Variants in BBS9 observed in about 807,000 individuals in gnomAD.
BBS9 encodes protein PTHB1.
Under a neutral mutation model 117.7 loss-of-function variants are expected in BBS9, and 89 were observed. The observed-to-expected ratio is 0.76, with a 90% CI of 0.64 to 0.90. The LOEUF is 0.90. Among genes scored for constraint, BBS9 ranks in the 40% least tolerant of loss-of-function variants. BBS9 has a pLI of 0.00. For missense variants in BBS9, 982 were observed against 1,042.2 expected (o/e 0.94, Z 0.80); for synonymous variants, 379 against 370.9 (o/e 1.02, Z -0.25).
chr7:33,349,998 TA>T (rs1410774895), intron 13 of BBS9, among the ~76,000 whole-genome samples: 4 of 152,204 alleles, frequency 2.6e-5, no homozygotes, highest in African/African-American at 9.6e-5. Flanking sequence ...AAAGTAAATC[TA>T]TAAAAGATAT....
chr7:33,528,889 C>T (rs116040242), intron 20 of BBS9, among the ~76,000 whole-genome samples: 2,124 of 152,304 alleles, frequency 0.014, 47 homozygotes, highest in African/African-American at 0.049. Context: ...GGTCGATACC[C>T]TAGGAAATTA....
chr7:33,132,051 C>T (rs934710567), intron 1 of BBS9, among the ~76,000 whole-genome samples: 1 of 152,188 alleles, frequency 6.6e-6, no homozygotes, highest in East Asian at 1.9e-4. Flanking sequence ...TAGGACTGCA[C>T]CTGTTACAAC....
At chr7:33,367,931 C>G in intron 17 of BBS9, 69 bp downstream of exon 17, 2 of 1,204,676 alleles carry the variant, frequency 1.7e-6, no homozygotes, top group Non-Finnish European at 2.5e-6. Flanking sequence ...AGAGGATACT[C>G]ACATCAATAA....
chr7:33,169,170 A>G (rs1236711939), intron 4 of BBS9, among the ~76,000 whole-genome samples: 4 of 151,158 alleles, frequency 2.6e-5, no homozygotes, highest in Admixed American at 2.0e-4. Flanking sequence ...ATAGTATTCC[A>G]TGGTGTATAT....
intron 21 of BBS9, among the ~76,000 whole-genome samples, chr7:33,598,814 G>T (rs1006514137): frequency 6.6e-6 from 1 of 152,192 alleles, no homozygotes; most frequent in Non-Finnish European, 1.5e-5. Context: ...AGTGTTAAAT[G>T]CCTCTAGGAA....
chr7:33,552,119 T>C (rs1416402026), intron 21 of BBS9, among the ~76,000 whole-genome samples: 1 of 152,176 alleles, frequency 6.6e-6, no homozygotes, highest in Non-Finnish European at 1.5e-5. Flanking sequence ...AATTTTCATA[T>C]TATTGTTTTA....
chr7:33,304,913 G>A (rs1807557357), intron 9 of BBS9, among the ~76,000 whole-genome samples: 1 of 152,076 alleles, frequency 6.6e-6, no homozygotes. Flanking sequence ...GATGTGCTTT[G>A]TTAAACAGAT....
intron 19 of BBS9, among the ~76,000 whole-genome samples, chr7:33,494,154 G>C (rs1176408216): frequency 1.3e-5 from 2 of 152,050 alleles, no homozygotes; most frequent in East Asian, 3.9e-4. Context: ...CCCCCAGGGA[G>C]ACATTTGACA....
chr7:33,244,054 C>A (rs909259514), intron 5 of BBS9, among the ~76,000 whole-genome samples: 2 of 152,026 alleles, frequency 1.3e-5, no homozygotes, highest in African/African-American at 2.4e-5. Context: ...CATGATGAAA[C>A]CCTGTCTCTA....
chr7:33,188,402 T>G (rs1783513933), intron 5 of BBS9, among the ~76,000 whole-genome samples: 1 of 152,196 alleles, frequency 6.6e-6, no homozygotes, highest in Non-Finnish European at 1.5e-5. Flanking sequence ...GCTACTAAAT[T>G]GACTTTTTAA....
At chr7:33,406,622 C>T (rs1422240598) in intron 19 of BBS9, among the ~76,000 whole-genome samples, 2 of 151,946 alleles carry the variant, frequency 1.3e-5, no homozygotes, top group African/African-American at 2.4e-5. Context: ...TCTTTTAGGG[C>T]AGGCCTGGTG....
At chr7:33,505,723 C>A (rs1585053860) in intron 20 of BBS9, 78 bp downstream of exon 20, 17 of 1,462,426 alleles carry the variant, frequency 1.2e-5, no homozygotes, top group Admixed American at 3.7e-5. Flanking sequence ...ACATGGCTAT[C>A]AGGTTTTCTA....
intron 19 of BBS9, among the ~76,000 whole-genome samples, chr7:33,418,410 G>T (rs769666745): frequency 6.6e-6 from 1 of 152,158 alleles, no homozygotes; most frequent in Non-Finnish European, 1.5e-5. Context: ...CCAGTGTTTG[G>T]CAGGGTGACT....
Position 33,630,580 on chromosome 7 carries a change from T to C in BBS9, c.2522-4597T>C, listed in dbSNP as rs114868306. On this transcript the variant is annotated intron_variant, in intron 21 of 21. Coordinates refer to the BBS9 transcript ENST00000671952. ...ACTTAAGCACACTGCATGTTTTCTA[T>C]GAGTTAGATTTGTCAGGCAGCCAGT... Among the ~76,000 whole-genome samples, 586 of 152,300 alleles carry C rather than the reference T, an allele frequency of 3.8e-3. 1 individual carries two copies. The highest frequency in any genetic ancestry group is 0.014 in the African/African-American group (562 of 41,558).
At chr7:33,225,316 G>A (rs1791041712) in intron 5 of BBS9, among the ~76,000 whole-genome samples, 1 of 152,086 alleles carries the variant, frequency 6.6e-6, no homozygotes, top group East Asian at 1.9e-4. Flanking sequence ...TCCCGCCTCA[G>A]CCTCCCAAGT....
At chr7:33,229,904 C>T (rs1185395549) in intron 5 of BBS9, among the ~76,000 whole-genome samples, 1 of 152,164 alleles carries the variant, frequency 6.6e-6, no homozygotes, top group Non-Finnish European at 1.5e-5. Flanking sequence ...CCTTTCTCTA[C>T]ACCACTGCCA....
At chr7:33,472,935 G>T (rs1046252056) in intron 19 of BBS9, among the ~76,000 whole-genome samples, 16 of 152,180 alleles carry the variant, frequency 1.1e-4, no homozygotes, top group Non-Finnish European at 2.2e-4. Context: ...TTCATCCCAA[G>T]AACTCTTCTT....
chr7:33,512,070 A>C (rs1000292438), intron 20 of BBS9, among the ~76,000 whole-genome samples: 1 of 152,222 alleles, frequency 6.6e-6, no homozygotes, highest in African/African-American at 2.4e-5. Context: ...GGTAATTCCC[A>C]TGATCTTAGC....
rs1585191604 is a variant in BBS9 at position 33,542,800 on chromosome 7, C to T, written c.2521+8624C>T. Among the ~76,000 whole-genome samples, 6 of 31,768 alleles carry T rather than the reference C, an allele frequency of 1.9e-4. 1 individual carries two copies. Among genetic ancestry groups the T allele is most frequent in the African/African-American group, 2.9e-4 (2 of 6,796 alleles). 20.8% of individuals were successfully genotyped at this position (31,768 alleles called of 152,430 possible). A position where few individuals can be genotyped will look rare whatever the true frequency, so the allele number is the denominator to read the frequency against. On this transcript the variant is annotated intron_variant, in intron 21 of 22. Coordinates refer to ENST00000242067, the MANE Select transcript of BBS9 (RefSeq NM_198428.3). ...ATATATATATATATGTACACACACA[C>T]ACACACACACACACACACACACACA...
Sources: gnomAD v4.1 joint callset for allele counts (sites outside exome capture counted in the v4.1 genomes callset) on GRCh38, gnomAD v4.1.1 for gene constraint, MANE v1.5 for transcripts, NCBI Gene and HGNC (gene_info 2026-07-23, HGNC 2026-07-21) for gene names.